KHDRBS2: variants seen among roughly 807,000 people sequenced by gnomAD.
The protein encoded by KHDRBS2 is KH RNA binding domain containing, signal transduction associated 2.
Under a neutral mutation model 44.3 loss-of-function variants are expected in KHDRBS2, and 26 were observed. The observed-to-expected ratio is 0.59, with a 90% CI of 0.43 to 0.81. The LOEUF is 0.81. KHDRBS2 is among the 40% of genes least tolerant of loss of function. KHDRBS2 has a pLI of 0.00. For synonymous variants in KHDRBS2, 194 were observed against 151.1 expected (o/e 1.28, Z -2.08); for missense variants, 476 against 433.1 (o/e 1.10, Z -0.88).
chr6:62,203,983 G>C (rs1827510041), intron 1 of KHDRBS2, among the ~76,000 whole-genome samples: 1 of 152,030 alleles, frequency 6.6e-6, no homozygotes, highest in Non-Finnish European at 1.5e-5. Context: ...TTGTTAAAAA[G>C]TGCCTGCCTT....
At chr6:62,158,608 T>C (rs751101603) in intron 2 of KHDRBS2, among the ~76,000 whole-genome samples, 18 of 152,134 alleles carry the variant, frequency 1.2e-4, no homozygotes, top group Non-Finnish European at 2.2e-4. Context: ...AGAGAAACTT[T>C]ACAGGCAAGG....
chr6:61,559,114 A>T, the KHDRBS2 span, among the ~76,000 whole-genome samples: 1 of 152,146 alleles, frequency 6.6e-6, no homozygotes. Context: ...GGATGCATAT[A>T]TATTTACAAG....
At chr6:61,803,549 A>C (rs888426497) in intron 6 of KHDRBS2, among the ~76,000 whole-genome samples, 1 of 152,194 alleles carries the variant, frequency 6.6e-6, no homozygotes, top group African/African-American at 2.4e-5. Context: ...AATCTTCAAA[A>C]TAATACTATT....
At chr6:61,892,733 C>T (rs1226212478) in intron 6 of KHDRBS2, among the ~76,000 whole-genome samples, 1 of 152,132 alleles carries the variant, frequency 6.6e-6, no homozygotes, top group Non-Finnish European at 1.5e-5. Flanking sequence ...CTTCCTTACA[C>T]CTTATACAAA....
chr6:62,203,652 T>C (rs779441496), intron 1 of KHDRBS2, among the ~76,000 whole-genome samples: 1 of 151,964 alleles, frequency 6.6e-6, no homozygotes, highest in African/African-American at 2.4e-5. Context: ...AGGTCAGGAG[T>C]GCACAAGGGG....
chr6:61,845,555 G>A (rs1451658837), intron 6 of KHDRBS2, among the ~76,000 whole-genome samples: 14 of 152,190 alleles, frequency 9.2e-5, no homozygotes, highest in East Asian at 5.8e-4. Context: ...GTGTCGGCCC[G>A]CCTTGGCCTC....
intron 2 of KHDRBS2, among the ~76,000 whole-genome samples, chr6:62,167,289 A>G (rs1818897015): frequency 6.6e-6 from 1 of 152,132 alleles, no homozygotes; most frequent in Admixed American, 6.6e-5. Context: ...GGGGTCATAA[A>G]AAATGATGTG....
At chr6:61,759,594 TC>T (rs1269859399) in intron 6 of KHDRBS2, among the ~76,000 whole-genome samples, 3 of 152,178 alleles carry the variant, frequency 2.0e-5, no homozygotes, top group African/African-American at 7.2e-5. Flanking sequence ...GTTAACCAGC[TC>T]TCTTTGAAGA....
chr6:62,169,171 G>GTGTGTATATATACATATACATATATGTA (rs1562991954), intron 2 of KHDRBS2, among the ~76,000 whole-genome samples: 16 of 134,474 alleles, frequency 1.2e-4, no homozygotes, highest in African/African-American at 3.4e-4. Flanking sequence ...ACACATATAT[G>GTGTGTATATATACATATACATATATGTA]TATATATGTA....
intron 7 of KHDRBS2, among the ~76,000 whole-genome samples, chr6:61,700,720 G>A (rs1425624915): frequency 1.4e-5 from 2 of 141,494 alleles, no homozygotes; most frequent in African/African-American, 5.0e-5. Context: ...CTCATCCTGG[G>A]CTTGTGCACA....
chr6:61,594,257 T>C, the KHDRBS2 span, among the ~76,000 whole-genome samples: 1 of 151,852 alleles, frequency 6.6e-6, no homozygotes, highest in Non-Finnish European at 1.5e-5. Flanking sequence ...CAAAAAAATA[T>C]AAAAATCATT....
chr6:61,625,006 G>T, the KHDRBS2 span, among the ~76,000 whole-genome samples: 1 of 152,074 alleles, frequency 6.6e-6, no homozygotes, highest in Admixed American at 6.6e-5. Flanking sequence ...CATCATCCTG[G>T]CAGGAGAAAT....
intron 6 of KHDRBS2, among the ~76,000 whole-genome samples, chr6:61,819,672 A>G (rs1789562602): frequency 6.6e-6 from 1 of 152,062 alleles, no homozygotes; most frequent in African/African-American, 2.4e-5. Flanking sequence ...TGTTTTCAAT[A>G]TTAGAGAAAG....
intron 2 of KHDRBS2, among the ~76,000 whole-genome samples, chr6:62,093,596 A>G (rs189478980): frequency 1.3e-5 from 2 of 152,008 alleles, no homozygotes; most frequent in East Asian, 1.9e-4. Context: ...ACCAGAATTT[A>G]TTCTTATCTA....
At chr6:61,765,467 AT>A (rs1428884263) in intron 6 of KHDRBS2, among the ~76,000 whole-genome samples, 1 of 152,150 alleles carries the variant, frequency 6.6e-6, no homozygotes, top group Non-Finnish European at 1.5e-5. Context: ...ACAATAAAAA[AT>A]AAATAAGTAA....
intron 2 of KHDRBS2, among the ~76,000 whole-genome samples, chr6:62,174,767 A>G (rs1362044154): frequency 6.6e-6 from 1 of 151,818 alleles, no homozygotes; most frequent in Non-Finnish European, 1.5e-5. Flanking sequence ...TGGTTCTGAG[A>G]GAAAGCTGTA....
At chr6:61,908,102 G>A (rs1805357603) in intron 4 of KHDRBS2, among the ~76,000 whole-genome samples, 1 of 151,936 alleles carries the variant, frequency 6.6e-6, no homozygotes, top group Non-Finnish European at 1.5e-5. Flanking sequence ...TCATTAAAAA[G>A]TAAAAATATG....
intron 1 of KHDRBS2, among the ~76,000 whole-genome samples, chr6:62,253,454 ATC>A (rs1836868977): frequency 1.3e-5 from 2 of 151,774 alleles, no homozygotes; most frequent in African/African-American, 4.8e-5. Flanking sequence ...CATTAGGGCA[ATC>A]TCTCTCTGTC....
chr6:61,586,861 G>T, the KHDRBS2 span, among the ~76,000 whole-genome samples: 1 of 152,144 alleles, frequency 6.6e-6, no homozygotes, highest in Non-Finnish European at 1.5e-5. Context: ...GAACTTCTCT[G>T]TTCTTCAGTT....
Sources: allele counts gnomAD v4.1 joint callset (sites outside exome capture counted in the v4.1 genomes callset), GRCh38; gene constraint gnomAD v4.1.1; transcripts MANE v1.5; gene names NCBI Gene and HGNC (gene_info 2026-07-23, HGNC 2026-07-21).